The following USP7 variants were observed in gnomAD, a reference collection of about 807,000 sequenced individuals.
USP7 encodes ubiquitin C-terminal hydrolase 7.
USP7 carries 9 observed loss-of-function variants against 162.9 expected under a neutral mutation model. That is an observed-to-expected ratio of 0.06 (90% CI 0.03 to 0.10). The LOEUF is 0.10. Among genes scored for constraint, USP7 ranks in the 10% least tolerant of loss-of-function variants. The pLI is 1.00. For synonymous variants in USP7, 562 were observed against 475.9 expected, an observed-to-expected ratio of 1.18 and a Z score of -2.35; for missense variants, 715 against 1,373.7, an observed-to-expected ratio of 0.52 and a Z score of 7.58.
At chr16:8,958,781 C>T (rs76384592) in intron 1 of USP7, among the ~76,000 whole-genome samples, 1 of 152,172 alleles carries the variant, frequency 6.6e-6, no homozygotes, top group African/African-American at 2.4e-5. Context: ...GCGCATGGCA[C>T]CAAATCCACT....
intron 1 of USP7, among the ~76,000 whole-genome samples, chr16:8,945,509 C>T (rs189229572): frequency 4.9e-4 from 75 of 152,252 alleles, no homozygotes; most frequent in African/African-American, 1.7e-3. Flanking sequence ...CCAACAGACA[C>T]CTTGAACATT....
chr16:8,908,154 T>C (rs1213244972), intron 12 of USP7, among the ~76,000 whole-genome samples, 187 bp downstream of exon 12: 4 of 152,164 alleles, frequency 2.6e-5, no homozygotes, highest in South Asian at 2.1e-4. Flanking sequence ...TCGGCAGAGG[T>C]TGACCTCTGA....
intron 10 of USP7, among the ~76,000 whole-genome samples, chr16:8,913,568 A>G (rs146663602): frequency 3.3e-5 from 5 of 152,060 alleles, no homozygotes; most frequent in African/African-American, 1.2e-4. Context: ...CCGAGTTAAA[A>G]TGTCTTTCAC....
chr16:8,955,173 T>G (rs1260753218), intron 1 of USP7, among the ~76,000 whole-genome samples: 2 of 152,266 alleles, frequency 1.3e-5, no homozygotes, highest in Admixed American at 6.5e-5. Context: ...ATTTTACATT[T>G]GTTGTATTTA....
chr16:8,960,920 C>T (rs1316966067), intron 1 of USP7, among the ~76,000 whole-genome samples: 1 of 152,170 alleles, frequency 6.6e-6, no homozygotes, highest in African/African-American at 2.4e-5. Context: ...CATGTGCTCA[C>T]TACAAGAAAA....
chr16:8,910,972 A>G lies in USP7; in HGVS notation c.1079-145T>C. ...CAGTAACTCTCCCCCTGTAGCCAAGACTGTAGGTAAATGTGCTGTTAGCAC... is the reference window on the plus strand; with the variant it reads ...CAGTAACTCTCCCCCTGTAGCCAAGGCTGTAGGTAAATGTGCTGTTAGCAC... On this transcript the variant is annotated intron_variant, in intron 10 of 30. Coordinates refer to ENST00000344836, the MANE Select transcript of USP7 (RefSeq NM_003470.3). 8 of 685,654 alleles carry G rather than the reference A, an allele frequency of 1.2e-5. No individual in the cohort carries two copies. The South Asian group carries it at 1.4e-4, about 12-fold the overall frequency. The allele number at this position is 685,654 out of a possible 1,614,324, so 42.5% of individuals were successfully genotyped here. A position where few individuals can be genotyped will look rare whatever the true frequency, so the allele number is the denominator to read the frequency against.
chr16:8,915,011 C>T (rs533758026), intron 10 of USP7, among the ~76,000 whole-genome samples: 7 of 152,154 alleles, frequency 4.6e-5, no homozygotes, highest in African/African-American at 1.2e-4. Context: ...TGTTAGAAGT[C>T]CACGTGGTGG....
At chr16:8,926,854 C>T (rs1055154357) in intron 2 of USP7, among the ~76,000 whole-genome samples, 2 of 152,196 alleles carry the variant, frequency 1.3e-5, no homozygotes, top group Admixed American at 1.3e-4. Flanking sequence ...AAATCCTCAA[C>T]CAGATTCCTT....
rs1024632425 is a variant in USP7, at chr16:8,959,819, G to T, written c.79+3388C>A. 5.3e-5 allele frequency among the ~76,000 whole-genome samples: 8 copies of T among 151,990 alleles called. No homozygotes were observed. In the South Asian group the frequency reaches 1.2e-3, roughly 24 times the overall value. On this transcript the variant is annotated intron_variant, in intron 1 of 30. Transcript: ENST00000344836. ...TTGGAAGAAACCCACCACCACCCCC[G>T]TAACAAAAAACACAGAAGCCTAGAT...
chr16:8,941,840 C>T (rs1488256659), intron 1 of USP7, among the ~76,000 whole-genome samples: 6 of 152,178 alleles, frequency 3.9e-5, no homozygotes, highest in Non-Finnish European at 8.8e-5. Flanking sequence ...GCCCAGGGTT[C>T]GGCAGGGAAC....
intron 2 of USP7, among the ~76,000 whole-genome samples, chr16:8,925,025 C>T (rs1199024372): frequency 6.6e-6 from 1 of 152,140 alleles, no homozygotes; most frequent in Non-Finnish European, 1.5e-5. Context: ...AAGATAATAA[C>T]GTCTAGAATG....
chr16:8,912,661 G>A (rs986216503), intron 10 of USP7, among the ~76,000 whole-genome samples: 5 of 151,174 alleles, frequency 3.3e-5, no homozygotes, highest in African/African-American at 1.2e-4. Flanking sequence ...CACAGGGCTG[G>A]GCATGGTCCC....
chr16:8,929,051 A>AG (rs954370800), intron 2 of USP7, among the ~76,000 whole-genome samples: 2 of 151,916 alleles, frequency 1.3e-5, no homozygotes, highest in African/African-American at 2.4e-5. Context: ...CCCCTAAAAA[A>AG]AAAAAGAAAA....
At chr16:8,949,442 G>A (rs1388137185) in intron 1 of USP7, 2 of 152,226 alleles carry the variant, frequency 1.3e-5, no homozygotes, top group East Asian at 3.8e-4. Flanking sequence ...TAGTGGAGAA[G>A]AAAAGCAAAG....
At chr16:8,898,261 G>GTT in intron 25 of USP7, 99 bp downstream of exon 25, 1 of 1,029,420 alleles carries the variant, frequency 9.7e-7, no homozygotes, top group Non-Finnish European at 1.4e-6. Context: ...TGTTTAGAGT[G>GTT]TTTTTCTGTG....
intron 30 of USP7, among the ~76,000 whole-genome samples, 166 bp downstream of exon 30, chr16:8,894,384 G>A (rs1465186071): frequency 1.3e-5 from 2 of 152,160 alleles, no homozygotes; most frequent in African/African-American, 4.8e-5. Context: ...GTAAGGACCT[G>A]TTAAGAACTC....
chr16:8,911,198 G>A (rs1021882111), intron 10 of USP7, among the ~76,000 whole-genome samples: 1 of 152,224 alleles, frequency 6.6e-6, no homozygotes, highest in African/African-American at 2.4e-5. Context: ...ATGGCTGGCT[G>A]ATGTGGCAGA....
chr16:8,949,865 G>A (rs1310821514), intron 1 of USP7, among the ~76,000 whole-genome samples: 1 of 152,208 alleles, frequency 6.6e-6, no homozygotes, highest in Non-Finnish European at 1.5e-5. Flanking sequence ...CTCCTTCTAA[G>A]AAGTTATTAC....
chr16:8,920,913 A>G (rs1271151809), intron 4 of USP7, among the ~76,000 whole-genome samples: 1 of 152,240 alleles, frequency 6.6e-6, no homozygotes, highest in Non-Finnish European at 1.5e-5. Flanking sequence ...TATGTCTTTT[A>G]AAGGAAATTT....
Sources: gnomAD v4.1 joint callset for allele counts (sites outside exome capture counted in the v4.1 genomes callset) on GRCh38, gnomAD v4.1.1 for gene constraint, MANE v1.5 for transcripts, NCBI Gene and HGNC (gene_info 2026-07-23, HGNC 2026-07-21) for gene names.